The following UCK2 variants were observed in gnomAD, a reference collection of about 807,000 sequenced individuals.
UCK2 encodes the protein cytidine monophosphokinase 2.
Under a neutral mutation model 30.8 loss-of-function variants are expected in UCK2, and 6 were observed. The ratio of observed to expected loss-of-function variants is 0.19; its 90% confidence interval spans 0.11 to 0.38. The LOEUF (loss-of-function observed/expected upper bound fraction) is 0.38. Among genes scored for constraint, UCK2 ranks in the 10% least tolerant of loss-of-function variants. The probability of loss-of-function intolerance (pLI) is 1.00; values close to 1 mark genes in which losing one functional copy is unlikely to be tolerated. For missense variants in UCK2, 210 were observed against 339.8 expected, an observed-to-expected ratio of 0.62 and a Z score of 3.00; for synonymous variants, 125 against 133.6, an observed-to-expected ratio of 0.94 and a Z score of 0.45.
chr1:165,827,961 TTCCCGGCTTCTG>T, intron 1 of UCK2, 29 bp downstream of exon 1: 1 of 1,296,472 alleles, frequency 7.7e-7, no homozygotes, highest in South Asian at 2.4e-5. Context: ...CCGCGCTCCC[TTCCCGGCTTCTG>T]TCCCTGGGCG....
At chr1:165,861,512 C>T (rs1654898954) in intron 1 of UCK2, among the ~76,000 whole-genome samples, 2 of 148,204 alleles carry the variant, frequency 1.3e-5, no homozygotes, top group Admixed American at 1.3e-4. Context: ...CCTGTAGTCC[C>T]AGCTACTTGG....
At chr1:165,852,866 T>C (rs1040331083) in intron 1 of UCK2, among the ~76,000 whole-genome samples, 1 of 152,224 alleles carries the variant, frequency 6.6e-6, no homozygotes, top group Non-Finnish European at 1.5e-5. Flanking sequence ...CACAGCTCTA[T>C]GGAAACTACT....
chr1:165,844,738 A>G (rs900228134), intron 1 of UCK2, among the ~76,000 whole-genome samples: 1 of 152,178 alleles, frequency 6.6e-6, no homozygotes, highest in African/African-American at 2.4e-5. Context: ...GTGATCAATG[A>G]TGCGTATGTA....
chr1:165,894,259 T>A (rs147906188), intron 3 of UCK2: 14 of 152,396 alleles, frequency 9.2e-5, no homozygotes, highest in Non-Finnish European at 1.8e-4. Context: ...TCTGTTAGTG[T>A]GTTCAAGTGG....
At chr1:165,847,000 G>A (rs561780842) in intron 1 of UCK2, among the ~76,000 whole-genome samples, 1 of 152,246 alleles carries the variant, frequency 6.6e-6, no homozygotes, top group African/African-American at 2.4e-5. Flanking sequence ...GTATCATGTA[G>A]AGTGGAGATA....
At chr1:165,865,412 A>G (rs934620785) in intron 1 of UCK2, among the ~76,000 whole-genome samples, 11 of 152,148 alleles carry the variant, frequency 7.2e-5, no homozygotes, top group African/African-American at 2.7e-4. Context: ...ACCCCCTGCA[A>G]AGCATGGCAA....
chr1:165,853,792 T>C (rs1654659426), intron 1 of UCK2, among the ~76,000 whole-genome samples: 1 of 152,200 alleles, frequency 6.6e-6, no homozygotes, highest in African/African-American at 2.4e-5. Flanking sequence ...TCTATCTCCC[T>C]TCTTGAGTAT....
chr1:165,900,377 T>A (rs1454865867), intron 4 of UCK2: 1 of 152,248 alleles, frequency 6.6e-6, no homozygotes, highest in Non-Finnish European at 1.5e-5. Context: ...GTACCATTAT[T>A]GTCCCTGTTT....
intron 3 of UCK2, among the ~76,000 whole-genome samples, chr1:165,893,488 A>G (rs1376422946): frequency 6.6e-6 from 1 of 152,204 alleles, no homozygotes; most frequent in Non-Finnish European, 1.5e-5. Flanking sequence ...AACTGATTCC[A>G]TCCCACCCAT....
chr1:165,865,575 G>A (rs1284481299), intron 1 of UCK2, among the ~76,000 whole-genome samples: 3 of 152,022 alleles, frequency 2.0e-5, no homozygotes, highest in African/African-American at 4.8e-5. Context: ...TACGAAGATA[G>A]ACTTCCTATA....
chr1:165,893,761 A>C (rs1655825290), intron 3 of UCK2, among the ~76,000 whole-genome samples: 1 of 152,188 alleles, frequency 6.6e-6, no homozygotes, highest in African/African-American at 2.4e-5. Flanking sequence ...TGTTTTTTAA[A>C]AACTCTGAGC....
chr1:165,836,481 T>A (rs1255593946), intron 1 of UCK2, among the ~76,000 whole-genome samples: 1 of 152,234 alleles, frequency 6.6e-6, no homozygotes, highest in African/African-American at 2.4e-5. Flanking sequence ...GTTTTTACCT[T>A]TAAAATTATA....
chr1:165,835,815 C>T (rs959866757), intron 1 of UCK2, among the ~76,000 whole-genome samples: 10 of 152,010 alleles, frequency 6.6e-5, no homozygotes, highest in Non-Finnish European at 1.2e-4. Context: ...TTTTATTGGT[C>T]GTTCTATCAC....
At chr1:165,881,520 CA>C (rs1365877541) in intron 1 of UCK2, among the ~76,000 whole-genome samples, 2 of 152,188 alleles carry the variant, frequency 1.3e-5, no homozygotes, top group African/African-American at 4.8e-5. Flanking sequence ...AAGACAGGCT[CA>C]ACTGTTTTTC....
At chr1:165,857,351 T>TG (rs745745748) in intron 1 of UCK2, among the ~76,000 whole-genome samples, 11 of 152,220 alleles carry the variant, frequency 7.2e-5, no homozygotes, top group Admixed American at 1.3e-4. Context: ...GAGTGTCTGT[T>TG]GTATCTCTAG....
chr1:165,841,608 A>T (rs1030806894), intron 1 of UCK2, among the ~76,000 whole-genome samples: 1 of 152,140 alleles, frequency 6.6e-6, no homozygotes, highest in Non-Finnish European at 1.5e-5. Flanking sequence ...ATATGTGTTG[A>T]TTACTTATAG....
intron 1 of UCK2, among the ~76,000 whole-genome samples, chr1:165,881,353 GTTTT>G (rs879446220): frequency 2.6e-5 from 4 of 151,450 alleles, no homozygotes; most frequent in South Asian, 2.1e-4. Context: ...CTTACTCAGG[GTTTT>G]TTTTTGTTTG....
At chr1:165,869,706 T>C (rs1042564778) in intron 1 of UCK2, among the ~76,000 whole-genome samples, 1 of 133,186 alleles carries the variant, frequency 7.5e-6, no homozygotes, top group Non-Finnish European at 1.6e-5. Flanking sequence ...TCTTGCTCTG[T>C]CACTCACGCT....
intron 3 of UCK2, 70 bp from the exon 4 acceptor site, chr1:165,896,120 C>G (rs1340433509): frequency 6.3e-7 from 1 of 1,593,736 alleles, no homozygotes; most frequent in East Asian, 2.2e-5. Context: ...GCCAGATGTT[C>G]TGGCCCTTGT....
Sources: gnomAD v4.1 joint callset for allele counts (sites outside exome capture counted in the v4.1 genomes callset) on GRCh38, gnomAD v4.1.1 for gene constraint, MANE v1.5 for transcripts, NCBI Gene and HGNC (gene_info 2026-07-23, HGNC 2026-07-21) for gene names.